The following FRAS1 variants were observed in gnomAD, a reference collection of about 807,000 sequenced individuals.
The protein encoded by FRAS1 is extracellular matrix organizing protein FRAS1.
A neutral mutation model predicts 435.2 loss-of-function variants in FRAS1; 290 were observed. The ratio of observed to expected loss-of-function variants is 0.67; its 90% CI spans 0.61 to 0.73. The LOEUF (loss-of-function observed/expected upper bound fraction) is 0.73. Among genes scored for constraint, FRAS1 ranks in the 30% least tolerant of loss-of-function variants. The probability of loss-of-function intolerance (pLI) is 0.00; values close to 1 mark genes in which losing one functional copy is unlikely to be tolerated. For synonymous variants in FRAS1, 1,800 were observed against 1,851.0 expected, an observed-to-expected ratio of 0.97 and a Z score of 0.71; for missense variants, 4,860 against 5,001.5, an observed-to-expected ratio of 0.97 and a Z score of 0.85.
At chr4:78,406,455 C>G (rs934691531) in intron 30 of FRAS1, among the ~76,000 whole-genome samples, 2 of 152,110 alleles carry the variant, frequency 1.3e-5, no homozygotes, top group African/African-American at 4.8e-5. Flanking sequence ...TACATGGCAG[C>G]AGCAAGAGAA....
intron 7 of FRAS1, among the ~76,000 whole-genome samples, chr4:78,266,073 C>G (rs986825905): frequency 2.6e-5 from 4 of 152,296 alleles, no homozygotes; most frequent in African/African-American, 9.6e-5. Context: ...TCTTCAACTA[C>G]AAGGAACAGA....
intron 49 of FRAS1, among the ~76,000 whole-genome samples, chr4:78,464,827 A>G (rs540191093): frequency 6.6e-6 from 1 of 152,352 alleles, no homozygotes; most frequent in East Asian, 1.9e-4. Context: ...TCCCTTGAGT[A>G]CATGTAACAA....
chr4:78,398,874 T>C (rs1432631673), intron 29 of FRAS1, among the ~76,000 whole-genome samples: 5 of 152,050 alleles, frequency 3.3e-5, no homozygotes, highest in Non-Finnish European at 7.4e-5. Flanking sequence ...TCCCAGCTAC[T>C]CAGGAGGCTG....
At chr4:78,392,977 T>G (rs1034372888) in intron 29 of FRAS1, among the ~76,000 whole-genome samples, 7 of 150,284 alleles carry the variant, frequency 4.7e-5, no homozygotes, top group Admixed American at 1.3e-4. Context: ...AACATGTTCA[T>G]CATGATGAGT....
intron 37 of FRAS1, among the ~76,000 whole-genome samples, chr4:78,431,537 G>A (rs1734222795): frequency 1.3e-5 from 2 of 152,120 alleles, no homozygotes; most frequent in South Asian, 2.1e-4. Flanking sequence ...TCAATACATA[G>A]CACTAGTTAT....
chr4:78,535,875 C>T (rs1348253333), intron 71 of FRAS1, among the ~76,000 whole-genome samples: 1 of 152,158 alleles, frequency 6.6e-6, no homozygotes, highest in African/African-American at 2.4e-5. Flanking sequence ...CCAGGAGCCT[C>T]TCCTGCCAGA....
intron 2 of FRAS1, among the ~76,000 whole-genome samples, chr4:78,213,141 T>C (rs978313635): frequency 1.3e-5 from 2 of 151,746 alleles, no homozygotes; most frequent in Non-Finnish European, 2.9e-5. Flanking sequence ...GAAGAAGGAG[T>C]ATTTCCATCC....
chr4:78,440,866 G>A (rs1734630251), intron 40 of FRAS1, among the ~76,000 whole-genome samples: 1 of 152,202 alleles, frequency 6.6e-6, no homozygotes, highest in Non-Finnish European at 1.5e-5. Flanking sequence ...CTGAACCGAG[G>A]TGGGTGATTA....
chr4:78,437,270 T>C (rs1734466325), intron 38 of FRAS1, among the ~76,000 whole-genome samples: 1 of 152,222 alleles, frequency 6.6e-6, no homozygotes, highest in Admixed American at 6.5e-5. Context: ...GCTCTGTCCT[T>C]ATAGTTTATC....
chr4:78,260,548 G>A (rs577542994), intron 6 of FRAS1, among the ~76,000 whole-genome samples: 114 of 151,674 alleles, frequency 7.5e-4, no homozygotes, highest in Admixed American at 4.5e-3. Flanking sequence ...TTTGTACATT[G>A]ATTTTGTATC....
intron 12 of FRAS1, among the ~76,000 whole-genome samples, chr4:78,283,764 C>T (rs1467241443): frequency 6.6e-6 from 1 of 152,102 alleles, no homozygotes; most frequent in Non-Finnish European, 1.5e-5. Flanking sequence ...TTACCTACAC[C>T]AAAGTGGCTC....
chr4:78,182,348 C>T (rs1722054116), intron 2 of FRAS1, among the ~76,000 whole-genome samples: 1 of 152,124 alleles, frequency 6.6e-6, no homozygotes, highest in African/African-American at 2.4e-5. Flanking sequence ...TTCACCCATA[C>T]TGAGGCCAGA....
intron 2 of FRAS1, among the ~76,000 whole-genome samples, chr4:78,211,514 T>C (rs1016657488): frequency 1.3e-5 from 2 of 152,134 alleles, no homozygotes; most frequent in African/African-American, 4.8e-5. Flanking sequence ...GGGAAAGCCA[T>C]GTTGTGGCAA....
intron 44 of FRAS1, among the ~76,000 whole-genome samples, chr4:78,449,884 C>T (rs992897061): frequency 6.6e-6 from 1 of 151,962 alleles, no homozygotes; most frequent in Non-Finnish European, 1.5e-5. Flanking sequence ...GTCACTGAGT[C>T]GGAGGAGCAT....
At chr4:78,325,355 A>G (rs1204633392) in intron 18 of FRAS1, among the ~76,000 whole-genome samples, 2 of 152,238 alleles carry the variant, frequency 1.3e-5, no homozygotes, top group African/African-American at 4.8e-5. Flanking sequence ...TTGATCATTT[A>G]GTTGTTGCTA....
intron 2 of FRAS1, among the ~76,000 whole-genome samples, chr4:78,132,190 G>C (rs972375042): frequency 6.6e-6 from 1 of 152,102 alleles, no homozygotes; most frequent in African/African-American, 2.4e-5. Context: ...GGGCCCCCCT[G>C]CAGAGGATTT....
chr4:78,116,402 G>A lies in FRAS1; in HGVS notation c.108+50386G>A, dbSNP rs186377360. Among the ~76,000 whole-genome samples, 385 of 152,184 alleles carry A rather than the reference G, an allele frequency of 2.5e-3. 2 individuals carry two copies. The highest frequency in any genetic ancestry group is 8.6e-3 in the African/African-American group (357 of 41,524). ...GATATCCTTGTTAACTTTCTGTCTCGTTGATCTGTCTAATGTTGACAGTGG... is the reference window on the plus strand; with the variant it reads ...GATATCCTTGTTAACTTTCTGTCTCATTGATCTGTCTAATGTTGACAGTGG... On this transcript the variant is annotated intron_variant, in intron 2 of 73. Coordinates refer to ENST00000512123, the MANE Select transcript of FRAS1 (RefSeq NM_025074.7).
chr4:78,167,038 A>G (rs1721360027), intron 2 of FRAS1, among the ~76,000 whole-genome samples: 1 of 152,204 alleles, frequency 6.6e-6, no homozygotes, highest in Non-Finnish European at 1.5e-5. Flanking sequence ...CATAAATGCT[A>G]TTGTGTTTAG....
In FRAS1 at chr4:78,333,267, C is replaced by T; in HGVS notation, c.2138-5C>T. ...ATTGTCTCCTTTGCTTTATCTTTCC[C>T]CCAGCTTGCCACCAGTCCTGTTTCA... On this transcript the variant is annotated splice_region_variant and splice_polypyrimidine_tract_variant and intron_variant, in intron 18 of 73. Transcript: ENST00000512123. The T allele has an allele frequency of 1.9e-6, 3 of 1,599,878 alleles. No individual in the cohort carries two copies. Among genetic ancestry groups the T allele is most frequent in the Non-Finnish European group, 2.6e-6 (3 of 1,173,538 alleles).
Sources: gnomAD v4.1 joint callset for allele counts (sites outside exome capture counted in the v4.1 genomes callset) on GRCh38, gnomAD v4.1.1 for gene constraint, MANE v1.5 for transcripts, NCBI Gene and HGNC (gene_info 2026-07-23, HGNC 2026-07-21) for gene names.